The following RBMS1 variants were observed in gnomAD, a reference collection of about 807,000 sequenced individuals.
RBMS1 encodes RNA binding motif single stranded interacting protein 1.
In RBMS1, 17 loss-of-function variants were observed where a neutral mutation model predicts 62.3. The observed-to-expected ratio is 0.27, with a 90% CI of 0.19 to 0.41. RBMS1 has a LOEUF of 0.41. Among genes scored for constraint, RBMS1 ranks in the 10% least tolerant of loss-of-function variants. RBMS1 has a pLI of 1.00. For synonymous variants in RBMS1, 172 were observed against 170.0 expected (o/e 1.01, Z -0.09); for missense variants, 334 against 504.5 (o/e 0.66, Z 3.24).
chr2:160,452,955 G>A (rs1684054915), intron 1 of RBMS1, among the ~76,000 whole-genome samples: 1 of 152,180 alleles, frequency 6.6e-6, no homozygotes, highest in Admixed American at 6.5e-5. Flanking sequence ...ACCTTGTAAT[G>A]CCTTAGTATC....
At chr2:160,363,142 A>G (rs1693220280) in intron 2 of RBMS1, among the ~76,000 whole-genome samples, 3 of 152,198 alleles carry the variant, frequency 2.0e-5, no homozygotes. Flanking sequence ...CCTATTTTAC[A>G]GTCTGTTGAC....
At chr2:160,405,287 A>C (rs1695642542) in intron 1 of RBMS1, among the ~76,000 whole-genome samples, 1 of 151,118 alleles carries the variant, frequency 6.6e-6, no homozygotes, top group Non-Finnish European at 1.5e-5. Context: ...ATTAGCTGAG[A>C]TCAGCTCTAA....
intron 2 of RBMS1, among the ~76,000 whole-genome samples, chr2:160,357,795 C>T (rs762004409): frequency 1.3e-5 from 2 of 152,126 alleles, no homozygotes; most frequent in Non-Finnish European, 2.9e-5. Flanking sequence ...CTGCCACCCC[C>T]TAAGAAGACA....
chr2:160,479,426 C>T (rs1279597652), intron 1 of RBMS1, among the ~76,000 whole-genome samples: 3 of 152,196 alleles, frequency 2.0e-5, no homozygotes, highest in African/African-American at 2.4e-5. Context: ...AAAGTCTGGC[C>T]GGCCCTGACT....
chr2:160,299,555 T>C (rs1034891691), intron 6 of RBMS1, among the ~76,000 whole-genome samples: 4 of 151,948 alleles, frequency 2.6e-5, no homozygotes, highest in Admixed American at 1.3e-4. Flanking sequence ...ACTGAAATTA[T>C]AGGAGAGCAA....
At chr2:160,426,130 G>A (rs1682555778) in intron 1 of RBMS1, among the ~76,000 whole-genome samples, 2 of 151,698 alleles carry the variant, frequency 1.3e-5, no homozygotes, top group Non-Finnish European at 2.9e-5. Flanking sequence ...GCACTTCCAC[G>A]ATTGGCAGGC....
At chr2:160,287,165 A>G (rs1387867124) in intron 6 of RBMS1, 81 bp from the exon 7 acceptor site, 1 of 1,566,408 alleles carries the variant, frequency 6.4e-7, no homozygotes, top group African/African-American at 1.4e-5. Context: ...AAATAGGAAT[A>G]GTGTTCACGC....
intron 2 of RBMS1, among the ~76,000 whole-genome samples, chr2:160,338,406 T>C (rs575115074): frequency 6.6e-6 from 1 of 152,276 alleles, no homozygotes; most frequent in African/African-American, 2.4e-5. Flanking sequence ...ACTCCTCCTT[T>C]ACTGTAGTGA....
chr2:160,282,375 A>C, intron 9 of RBMS1: 1 of 1,301,008 alleles, frequency 7.7e-7, no homozygotes. Context: ...GCCTTTCCCC[A>C]TTGGGGTTGG....
At chr2:160,285,237 C>T (rs1025841507) in intron 7 of RBMS1, among the ~76,000 whole-genome samples, 193 bp from the exon 8 acceptor site, 4 of 151,314 alleles carry the variant, frequency 2.6e-5, no homozygotes, top group Admixed American at 1.3e-4. Context: ...CCAGCCTGGG[C>T]AACAGAAGGA....
intron 2 of RBMS1, among the ~76,000 whole-genome samples, chr2:160,329,076 T>A (rs1012156390): frequency 3.3e-5 from 5 of 152,180 alleles, no homozygotes; most frequent in Non-Finnish European, 7.4e-5. Flanking sequence ...GACTGAACAC[T>A]AACGCTGGCT....
chr2:160,352,521 A>G (rs1247410880), intron 2 of RBMS1, among the ~76,000 whole-genome samples: 1 of 152,132 alleles, frequency 6.6e-6, no homozygotes, highest in Non-Finnish European at 1.5e-5. Context: ...AGCACAACAA[A>G]TGTTAACTTA....
intron 1 of RBMS1, among the ~76,000 whole-genome samples, chr2:160,427,845 T>A (rs1177414838): frequency 2.0e-5 from 3 of 152,178 alleles, no homozygotes; most frequent in Non-Finnish European, 4.4e-5. Flanking sequence ...CTTCAGGAAG[T>A]GACTTTTACT....
At chr2:160,334,405 C>G (rs753156048) in intron 2 of RBMS1, among the ~76,000 whole-genome samples, 38 of 152,280 alleles carry the variant, frequency 2.5e-4, no homozygotes, top group Non-Finnish European at 1.8e-4. Flanking sequence ...ATTATCTCAT[C>G]CAAGCCTGCG....
intron 7 of RBMS1, 21 bp from the exon 8 acceptor site, chr2:160,285,065 T>C: frequency 6.2e-7 from 1 of 1,604,016 alleles, no homozygotes; most frequent in Non-Finnish European, 8.5e-7. Context: ...GAGAAAGAAA[T>C]ATAAACATTC....
chr2:160,386,831 A>G (rs574139340), intron 1 of RBMS1, among the ~76,000 whole-genome samples: 1 of 152,344 alleles, frequency 6.6e-6, no homozygotes, highest in South Asian at 2.1e-4. Flanking sequence ...CTGAACTAAG[A>G]CATCAACCAT....
chr2:160,300,461 A>G (rs1689150519), intron 6 of RBMS1, among the ~76,000 whole-genome samples, 190 bp downstream of exon 6: 1 of 152,240 alleles, frequency 6.6e-6, no homozygotes, highest in South Asian at 2.1e-4. Flanking sequence ...CACTGCTTCC[A>G]TTAACATTTA....
chr2:160,390,611 G>A (rs936885696), intron 1 of RBMS1, among the ~76,000 whole-genome samples: 4 of 148,790 alleles, frequency 2.7e-5, no homozygotes, highest in East Asian at 2.0e-4. Context: ...TGGGAAGACC[G>A]CTTAAGCCCA....
chr2:160,345,108 T>C (rs987070708), intron 2 of RBMS1, among the ~76,000 whole-genome samples: 8 of 152,078 alleles, frequency 5.3e-5, no homozygotes, highest in African/African-American at 1.9e-4. Context: ...CATGGTAATT[T>C]CAGAAGAAAT....
Sources: allele counts gnomAD v4.1 joint callset (sites outside exome capture counted in the v4.1 genomes callset), GRCh38; gene constraint gnomAD v4.1.1; transcripts MANE v1.5; gene names NCBI Gene and HGNC (gene_info 2026-07-23, HGNC 2026-07-21).